The following AGPS variants were observed in gnomAD, a reference collection of about 807,000 sequenced individuals.
The protein encoded by AGPS is alkylglycerone phosphate synthase, also known as alkyldihydroxyacetonephosphate synthase, peroxisomal.
AGPS carries 26 observed loss-of-function variants against 90.7 expected under a neutral mutation model. The ratio of observed to expected loss-of-function variants is 0.29; its 90% confidence interval spans 0.21 to 0.40. The LOEUF is 0.40. Among genes scored for constraint, AGPS ranks in the 10% least tolerant of loss-of-function variants. The pLI, the probability that AGPS is intolerant of heterozygous loss-of-function variation, is 1.00. For synonymous variants in AGPS, 294 were observed against 285.3 expected, an observed-to-expected ratio of 1.03 and a Z score of -0.31; for missense variants, 540 against 816.1, an observed-to-expected ratio of 0.66 and a Z score of 4.12.
In AGPS at chr2:177,449,169, G is replaced by A. The variant is rs116812435; in HGVS notation, c.870+3543G>A. On this transcript the variant is annotated intron_variant, in intron 8 of 19. Coordinates refer to ENST00000264167, the MANE Select transcript of AGPS (RefSeq NM_003659.4). The stretch of plus-strand genomic sequence containing the variant: ...TATGAACGTTCATGTGAAAGTTTTT[G>A]TATAGACATATACATTTGTTTCCTT... 5.3e-3 allele frequency among the ~76,000 whole-genome samples: 805 copies of A among 152,242 alleles called. 7 individuals carry two copies. The highest frequency in any genetic ancestry group is 9.4e-3 in the Non-Finnish European group (642 of 67,996).
chr2:177,414,180 G>C (rs1476182382), intron 1 of AGPS, among the ~76,000 whole-genome samples: 1 of 151,904 alleles, frequency 6.6e-6, no homozygotes, highest in African/African-American at 2.4e-5. Flanking sequence ...CGCAGTTTTT[G>C]AGCCTTGAAT....
intron 13 of AGPS, among the ~76,000 whole-genome samples, chr2:177,499,029 A>G (rs1011859362): frequency 2.0e-5 from 3 of 151,934 alleles, no homozygotes; most frequent in African/African-American, 7.2e-5. Flanking sequence ...AAACTAGTAC[A>G]TTAATTTGGA....
intron 9 of AGPS, among the ~76,000 whole-genome samples, chr2:177,463,164 A>G (rs1221035669): frequency 1.3e-5 from 2 of 152,212 alleles, no homozygotes; most frequent in African/African-American, 4.8e-5. Flanking sequence ...GGGAGTTAGT[A>G]TAATAATAGT....
At chr2:177,537,933 A>T in intron 19 of AGPS, 141 bp from the exon 20 acceptor site, 1 of 1,218,918 alleles carries the variant, frequency 8.2e-7, no homozygotes, top group Non-Finnish European at 1.2e-6. Context: ...TGGTGGGCTC[A>T]ATAAATCAAA....
At chr2:177,459,799 G>C (rs2105663152) in intron 8 of AGPS, among the ~76,000 whole-genome samples, 1 of 152,316 alleles carries the variant, frequency 6.6e-6, no homozygotes, top group East Asian at 1.9e-4. Flanking sequence ...ATTTGACCCA[G>C]CAATCCCATT....
At chr2:177,464,624 T>G (rs1687395111) in intron 9 of AGPS, among the ~76,000 whole-genome samples, 1 of 152,250 alleles carries the variant, frequency 6.6e-6, no homozygotes, top group African/African-American at 2.4e-5. Flanking sequence ...TTTTAAGGAA[T>G]TCCAACTATA....
chr2:177,511,161 C>T (rs1688859003), intron 16 of AGPS, among the ~76,000 whole-genome samples: 1 of 152,088 alleles, frequency 6.6e-6, no homozygotes, highest in African/African-American at 2.4e-5. Flanking sequence ...TGCAGTGACG[C>T]TTATCACGGC....
intron 17 of AGPS, 27 bp from the exon 18 acceptor site, chr2:177,521,242 C>G (rs956257492): frequency 1.9e-6 from 3 of 1,587,114 alleles, no homozygotes; most frequent in East Asian, 4.5e-5. Context: ...ACTTAAAGCC[C>G]CTGTGGGGAT....
At chr2:177,514,973 A>T (rs1400233039) in intron 17 of AGPS, among the ~76,000 whole-genome samples, 1 of 151,536 alleles carries the variant, frequency 6.6e-6, no homozygotes, top group Non-Finnish European at 1.5e-5. Context: ...TTAAGCAAGT[A>T]CACTGACGAT....
chr2:177,526,150 G>A (rs1244444916), intron 19 of AGPS, among the ~76,000 whole-genome samples: 20 of 151,020 alleles, frequency 1.3e-4, no homozygotes, highest in Non-Finnish European at 4.4e-5. Context: ...TTAACAAATA[G>A]TTAGAAAATG....
At chr2:177,523,459 A>G (rs1689259245) in intron 18 of AGPS, among the ~76,000 whole-genome samples, 2 of 152,180 alleles carry the variant, frequency 1.3e-5, no homozygotes, top group South Asian at 4.1e-4. Flanking sequence ...CTTTGCAGTT[A>G]TTAATATTAT....
intron 13 of AGPS, 52 bp from the exon 14 acceptor site, chr2:177,499,566 T>C (rs774060051): frequency 1.7e-6 from 2 of 1,179,654 alleles, no homozygotes; most frequent in Non-Finnish European, 2.5e-6. Flanking sequence ...TTTGATTTAT[T>C]GTTTTGTAGG....
intron 1 of AGPS, among the ~76,000 whole-genome samples, chr2:177,406,201 A>C (rs1158882458): frequency 6.6e-6 from 1 of 152,162 alleles, no homozygotes; most frequent in African/African-American, 2.4e-5. Flanking sequence ...TCTCACTTCT[A>C]GCCTGGTCTC....
At chr2:177,471,900 A>G (rs1687634326) in intron 10 of AGPS, among the ~76,000 whole-genome samples, 1 of 152,048 alleles carries the variant, frequency 6.6e-6, no homozygotes, top group Non-Finnish European at 1.5e-5. Context: ...GAAATATGAT[A>G]CCTGTTTAAT....
At chr2:177,522,031 A>G (rs1689209489) in intron 18 of AGPS, among the ~76,000 whole-genome samples, 1 of 151,960 alleles carries the variant, frequency 6.6e-6, no homozygotes, top group African/African-American at 2.4e-5. Context: ...ACACTTTTAG[A>G]CCCAAACTAT....
intron 14 of AGPS, among the ~76,000 whole-genome samples, chr2:177,501,027 C>T (rs1378624273): frequency 6.6e-6 from 1 of 152,096 alleles, no homozygotes; most frequent in Non-Finnish European, 1.5e-5. Flanking sequence ...TTTCTTAAAA[C>T]ATATGATGTT....
intron 8 of AGPS, 31 bp downstream of exon 8, chr2:177,445,657 A>G (rs1240867705): frequency 3.5e-6 from 5 of 1,444,404 alleles, no homozygotes; most frequent in Non-Finnish European, 4.7e-6. Context: ...ATTTTTTTAA[A>G]TTAACTTATT....
chr2:177,465,796 C>G (rs1687427706), intron 9 of AGPS, among the ~76,000 whole-genome samples: 2 of 152,354 alleles, frequency 1.3e-5, no homozygotes, highest in African/African-American at 4.8e-5. Flanking sequence ...TAGGTCTGGG[C>G]TCCTTGAAGG....
chr2:177,498,131 T>TA (rs1237862787), intron 13 of AGPS, among the ~76,000 whole-genome samples: 4 of 151,874 alleles, frequency 2.6e-5, no homozygotes, highest in African/African-American at 9.6e-5. Context: ...CATCTTATAA[T>TA]ACATGTGTGC....
Sources: gnomAD v4.1 joint callset for allele counts (sites outside exome capture counted in the v4.1 genomes callset) on GRCh38, gnomAD v4.1.1 for gene constraint, MANE v1.5 for transcripts, NCBI Gene and HGNC (gene_info 2026-07-23, HGNC 2026-07-21) for gene names.